The following TMEM210 variants were observed in gnomAD, a reference collection of about 807,000 sequenced individuals.
TMEM210 encodes transmembrane protein 210.
A neutral mutation model predicts 10.3 loss-of-function variants in TMEM210; 7 were observed. That is an observed-to-expected ratio of 0.68 (90% CI 0.39 to 1.28). The LOEUF (loss-of-function observed/expected upper bound fraction) is 1.28, where lower values mean the gene tolerates loss of function less well. Among genes scored for constraint, TMEM210 ranks in the 50% most tolerant of loss-of-function variants. The probability of loss-of-function intolerance (pLI) is 0.01; values close to 1 mark genes in which losing one functional copy is unlikely to be tolerated. For missense variants in TMEM210, 185 were observed against 197.8 expected (o/e 0.94, Z 0.39); for synonymous variants, 79 against 81.2 (o/e 0.97, Z 0.14).
Position 137,171,224 on chromosome 9 carries a change from G to A in TMEM210, c.255-60C>T, listed in dbSNP as rs999149770. 5 of 1,507,256 alleles carry A rather than the reference G, an allele frequency of 3.3e-6. No individual in the cohort carries two copies. In the African/African-American group the frequency reaches 4.1e-5, roughly 12 times the overall value. The allele number at this position is 1,507,256 out of a possible 1,614,324, so 93.4% of individuals were successfully genotyped here. A position where few individuals can be genotyped will look rare whatever the true frequency, so the allele number is the denominator to read the frequency against. On this transcript the variant is annotated intron_variant, in intron 3 of 3. Coordinates refer to ENST00000413619, the MANE Select transcript of TMEM210 (RefSeq NM_001282477.2). ...AGTCCTTGTTCCCCCAGGACAGGCTGGCGTCTGGGACAGTGCACCCCCACA... is the reference window on the plus strand; with the variant it reads ...AGTCCTTGTTCCCCCAGGACAGGCTAGCGTCTGGGACAGTGCACCCCCACA...
intron 1 of TMEM210, 29 bp from the exon 2 acceptor site, chr9:137,171,805 G>A (rs1483129779): frequency 6.7e-7 from 1 of 1,497,410 alleles, no homozygotes; most frequent in South Asian, 1.3e-5. Flanking sequence ...ATGGCCATGG[G>A]CCGGTCACCT....
At position 137,170,950 on chromosome 9, in the gene TMEM210, C is replaced by T. The variant is rs189632141; in HGVS notation, c.*25G>A. The T allele has an allele frequency of 1.8e-5, 28 of 1,524,866 alleles. No homozygotes were observed. In the East Asian group the frequency reaches 6.9e-4, roughly 37 times the overall value. The allele number at this position is 1,524,866 out of a possible 1,614,324, so 94.5% of individuals were successfully genotyped here. A position where few individuals can be genotyped will look rare whatever the true frequency, so the allele number is the denominator to read the frequency against. On this transcript the variant is annotated 3_prime_UTR_variant, in exon 4 of 4. Transcript: ENST00000413619. ...ACAGCCACTAAATACGCTTTAATTC[C>T]CCTCCCCCAGCTGCCCTCAGCCCTC...
chr9:137,170,880 C>T lies in TMEM210; in HGVS notation c.*95G>A. ...ACAACCACTAAACAAGCTTTAATTC[C>T]CCTCCCCCAGCTGCCCTCAGGAGGG... On this transcript the variant is annotated 3_prime_UTR_variant, in exon 4 of 4. Coordinates refer to ENST00000413619, the MANE Select transcript of TMEM210 (RefSeq NM_001282477.2). The T allele has an allele frequency of 7.4e-7, 1 of 1,356,880 alleles. No individual in the cohort carries two copies. Among genetic ancestry groups the T allele is most frequent in the Non-Finnish European group, 9.8e-7 (1 of 1,018,578 alleles). 84.1% of individuals were successfully genotyped at this position (1,356,880 alleles called of 1,614,324 possible). A position where few individuals can be genotyped will look rare whatever the true frequency, so the allele number is the denominator to read the frequency against.
At position 137,172,046 on chromosome 9, in the gene TMEM210, T is replaced by G. The variant is rs1320319235; in HGVS notation, c.-19A>C. 2.9e-4 allele frequency: 391 copies of G among 1,371,584 alleles called. No homozygotes were observed. The highest frequency in any genetic ancestry group is 3.6e-4 in the Non-Finnish European group (388 of 1,065,918). The allele number at this position is 1,371,584 out of a possible 1,614,324, so 85.0% of individuals were successfully genotyped here. A position where few individuals can be genotyped will look rare whatever the true frequency, so the allele number is the denominator to read the frequency against. On this transcript the variant is annotated 5_prime_UTR_variant, in exon 1 of 4. Transcript: ENST00000413619. The stretch of plus-strand genomic sequence containing the variant: ...GGGCCATGTCCAGCCCTGGCCCCAC[T>G]GCACACCTCTGACGGAACTGTTGGA...
chr9:137,171,065 C>A lies in TMEM210; in HGVS notation c.354G>T (p.Val118=), dbSNP rs1474783567. Residue 118 remains valine (V), a synonymous_variant, in exon 4 of 4, where the codon GTG becomes GTT. Transcript: ENST00000413619. The part of the protein sequence containing the change: ...LMDADLEVSL[V]PPLEDQSLVA... ...CAAGGCTCTGATCCTCTAGTGGTGG[C>A]ACCAGGGAGACCTCCAGGTCAGCGT... The A allele has an allele frequency of 2.6e-6, 4 of 1,535,272 alleles. No individual in the cohort carries two copies. The highest frequency in any genetic ancestry group is 2.6e-6 in the Non-Finnish European group (3 of 1,146,560).
At chr9:137,171,896 G>A in intron 1 of TMEM210, 44 bp downstream of exon 1, 2 of 1,434,772 alleles carry the variant, frequency 1.4e-6, no homozygotes, top group East Asian at 2.5e-5. Context: ...CCTGGGGAAG[G>A]GGAGCCATGG....
intron 2 of TMEM210, 29 bp downstream of exon 2, chr9:137,171,612 A>C: frequency 6.5e-7 from 1 of 1,529,192 alleles, no homozygotes; most frequent in South Asian, 1.2e-5. Flanking sequence ...CCTCACTCCC[A>C]TCCTCTCCCG....
At chr9:137,171,352 C>G (rs993454318) in intron 3 of TMEM210, 62 bp downstream of exon 3, 1 of 1,532,938 alleles carries the variant, frequency 6.5e-7, no homozygotes, top group Admixed American at 2.0e-5. Flanking sequence ...TGGGATAGCT[C>G]CCCCCGCCAA....
At chr9:137,171,210 C>A in intron 3 of TMEM210, 46 bp from the exon 4 acceptor site, 1 of 1,519,448 alleles carries the variant, frequency 6.6e-7, no homozygotes, top group Non-Finnish European at 8.8e-7. Context: ...GTCCTTGTTC[C>A]CCCAGGACAG....
chr9:137,171,188 C>A, intron 3 of TMEM210, 24 bp from the exon 4 acceptor site: 1 of 1,530,648 alleles, frequency 6.5e-7, no homozygotes, highest in South Asian at 1.2e-5. Flanking sequence ...CGGGTCATCA[C>A]GAGCTGGTAG....
rs1390487030 is a variant in TMEM210 at position 137,171,990 on chromosome 9, C to A, written c.38G>T (p.Gly13Val). The A allele has an allele frequency of 1.4e-6, 2 of 1,417,972 alleles. No individual in the cohort carries two copies. Among genetic ancestry groups the A allele is most frequent in the Non-Finnish European group, 1.8e-6 (2 of 1,089,998 alleles). 87.8% of individuals were successfully genotyped at this position (1,417,972 alleles called of 1,614,324 possible). Residue 13 changes from glycine to valine, a missense_variant, in exon 1 of 4, where the codon GGT becomes GTT. By Grantham distance (109) the Gly-to-Val change is moderately radical (BLOSUM62 -3). Coordinates refer to ENST00000413619, the MANE Select transcript of TMEM210 (RefSeq NM_001282477.2). ...CAAATATGTGAGGCCCAAGGGGCCA[C>A]CACGCAGGCAGGACACAGGCCAGGG... Reference protein sequence around the residue: ...PGPWPVSCLRGGPLGLTYLSL... With the variant: ...PGPWPVSCLRVGPLGLTYLSL...
intron 3 of TMEM210, 39 bp from the exon 4 acceptor site, chr9:137,171,203 C>A: frequency 6.6e-7 from 1 of 1,524,704 alleles, no homozygotes; most frequent in South Asian, 1.2e-5. Context: ...TGGTAGAGTC[C>A]TTGTTCCCCC....
chr9:137,171,625 C>G lies in TMEM210; in HGVS notation c.224+16G>C. On this transcript the variant is annotated intron_variant, in intron 2 of 3. Transcript: ENST00000413619. ...GGCCTCACTCCCATCCTCTCCCGGC[C>G]CCAGGGTTCACGCACCCCTTGGCCC... The G allele has an allele frequency of 6.5e-7, 1 of 1,531,214 alleles. No individual in the cohort carries two copies. Among genetic ancestry groups the G allele is most frequent in the Admixed American group, 2.0e-5 (1 of 50,746 alleles). The allele number at this position is 1,531,214 out of a possible 1,614,324, so 94.9% of individuals were successfully genotyped here.
intron 3 of TMEM210, 80 bp from the exon 4 acceptor site, chr9:137,171,244 C>G (rs1834100952): frequency 6.1e-6 from 9 of 1,486,770 alleles, no homozygotes; most frequent in Non-Finnish European, 8.1e-6. Flanking sequence ...ACAGTGCACC[C>G]CCACAAAGGG....
chr9:137,171,554 G>A lies in TMEM210; in HGVS notation c.224+87C>T, dbSNP rs878904688. ...TACCCCAGGTGACAGCCCACCCAGG[G>A]GGTAAAGCCCTTCTTGCAAGACCAA... is the stretch of plus-strand genomic sequence containing the variant. On this transcript the variant is annotated intron_variant, in intron 2 of 3. Coordinates refer to ENST00000413619, the MANE Select transcript of TMEM210 (RefSeq NM_001282477.2). The A allele has an allele frequency of 3.9e-6, 6 of 1,532,254 alleles. No individual in the cohort carries two copies. In the Admixed American group the frequency reaches 5.9e-5, roughly 15 times the overall value. The allele number at this position is 1,532,254 out of a possible 1,614,324, so 94.9% of individuals were successfully genotyped here.
Position 137,171,609 on chromosome 9 carries a change from C to T in TMEM210, c.224+32G>A, listed in dbSNP as rs1834108951. The T allele has an allele frequency of 1.2e-5, 19 of 1,528,874 alleles. No homozygotes were observed. The East Asian group carries it at 1.5e-4, about 12-fold the overall frequency. The allele number at this position is 1,528,874 out of a possible 1,614,324, so 94.7% of individuals were successfully genotyped here. On this transcript the variant is annotated intron_variant, in intron 2 of 3. Transcript: ENST00000413619. Reference sequence around the variant, plus strand: ...CCAGGGCAGCCAGCCTGGCCTCACTCCCATCCTCTCCCGGCCCCAGGGTTC... The same window carrying T: ...CCAGGGCAGCCAGCCTGGCCTCACTTCCATCCTCTCCCGGCCCCAGGGTTC...
rs1368575238 is a variant in TMEM210, at chr9:137,171,622, G to A, written c.224+19C>T. On this transcript the variant is annotated intron_variant, in intron 2 of 3. Transcript: ENST00000413619. ...CCTGGCCTCACTCCCATCCTCTCCCGGCCCCAGGGTTCACGCACCCCTTGG... is the reference window on the plus strand; with the variant it reads ...CCTGGCCTCACTCCCATCCTCTCCCAGCCCCAGGGTTCACGCACCCCTTGG... The A allele has an allele frequency of 1.3e-5, 20 of 1,530,216 alleles. No homozygotes were observed. The highest frequency in any genetic ancestry group is 4.1e-5 in the African/African-American group (3 of 72,932). The allele number at this position is 1,530,216 out of a possible 1,614,324, so 94.8% of individuals were successfully genotyped here. A position where few individuals can be genotyped will look rare whatever the true frequency, so the allele number is the denominator to read the frequency against.
At chr9:137,171,210 C>G in intron 3 of TMEM210, 46 bp from the exon 4 acceptor site, 2 of 1,519,448 alleles carry the variant, frequency 1.3e-6, no homozygotes, top group African/African-American at 1.4e-5. Flanking sequence ...GTCCTTGTTC[C>G]CCCAGGACAG....
At chr9:137,171,362 A>C in intron 3 of TMEM210, 52 bp downstream of exon 3, 1 of 1,534,722 alleles carries the variant, frequency 6.5e-7, no homozygotes, top group Admixed American at 2.0e-5. Flanking sequence ...CCCCCCGCCA[A>C]GGGCCTCCCC....
Sources: gnomAD v4.1 joint callset for allele counts on GRCh38, gnomAD v4.1.1 for gene constraint, MANE v1.5 for transcripts, NCBI Gene and HGNC (gene_info 2026-07-23, HGNC 2026-07-21) for gene names.